PLCXD3: variants seen among roughly 807,000 people sequenced by gnomAD.
The protein encoded by PLCXD3 is PI-PLC X domain-containing protein 3.
PLCXD3 carries 19 observed loss-of-function variants against 25.5 expected under a neutral mutation model. That is an observed-to-expected ratio of 0.75 (90% confidence interval 0.52 to 1.09). PLCXD3 has a LOEUF of 1.09. Ranked by LOEUF, PLCXD3 falls within the 50% of genes least tolerant of loss-of-function variation. The pLI, the probability that PLCXD3 is intolerant of heterozygous loss-of-function variation, is 0.00. For synonymous variants in PLCXD3, 174 were observed against 137.6 expected (o/e 1.26, Z -1.85); for missense variants, 411 against 388.1 (o/e 1.06, Z -0.50).
intron 1 of PLCXD3, 86 bp from the exon 2 acceptor site, chr5:41,382,620 T>G: frequency 9.7e-7 from 1 of 1,032,724 alleles, no homozygotes; most frequent in Non-Finnish European, 1.4e-6. Context: ...TCCATACCTC[T>G]CCCTCAAATG....
At chr5:41,411,940 G>GTATCCATATATATGTATCCATATATATA (rs1746553591) in intron 1 of PLCXD3, among the ~76,000 whole-genome samples, 2 of 5,818 alleles carry the variant, frequency 3.4e-4, no homozygotes, top group Admixed American at 1.3e-3. Context: ...CCATATATAT[G>GTATCCATATATATGTATCCATATATATA]TATCCATATA....
intron 1 of PLCXD3, among the ~76,000 whole-genome samples, chr5:41,436,461 G>A (rs1747257233): frequency 6.6e-6 from 1 of 152,094 alleles, no homozygotes; most frequent in Non-Finnish European, 1.5e-5. Flanking sequence ...ATACCCACAA[G>A]ACTAGTTCAG....
intron 1 of PLCXD3, among the ~76,000 whole-genome samples, chr5:41,493,951 C>G (rs759064621): frequency 6.6e-6 from 1 of 152,186 alleles, no homozygotes. Flanking sequence ...CACTGTCCTG[C>G]GCCCACTGTC....
intron 1 of PLCXD3, among the ~76,000 whole-genome samples, chr5:41,452,910 T>C (rs1279846902): frequency 6.6e-6 from 1 of 152,048 alleles, no homozygotes; most frequent in Non-Finnish European, 1.5e-5. Context: ...TTGTGTATAT[T>C]TGTGAGGTAC....
intron 1 of PLCXD3, among the ~76,000 whole-genome samples, chr5:41,418,385 T>C (rs1746740869): frequency 6.6e-6 from 1 of 152,162 alleles, no homozygotes; most frequent in Non-Finnish European, 1.5e-5. Context: ...GCTCTCCATA[T>C]GCAGCTACTG....
intron 1 of PLCXD3, among the ~76,000 whole-genome samples, chr5:41,498,166 G>A (rs1479451245): frequency 1.3e-5 from 2 of 151,244 alleles, no homozygotes; most frequent in African/African-American, 4.8e-5. Flanking sequence ...AAATTTAGTA[G>A]AATTAAGGAA....
rs1033817017 is a variant in PLCXD3 at position 41,307,298 on chromosome 5, T to C, written c.*6319A>G. ...GATTTGGATTTTCCTCTGCCACTTA[T>C]AGGAATTTCAGGAGAGGAGGTAGCT... is the stretch of plus-strand genomic sequence containing the variant. On this transcript the variant is annotated 3_prime_UTR_variant, in exon 3 of 3. Transcript: ENST00000377801. The C allele has an allele frequency of 5.9e-5, 9 of 152,608 alleles. No homozygotes were observed. Among genetic ancestry groups the C allele is most frequent in the African/African-American group, 2.2e-4 (9 of 41,448 alleles). 9.5% of individuals were successfully genotyped at this position (152,608 alleles called of 1,614,324 possible).
intron 1 of PLCXD3, among the ~76,000 whole-genome samples, chr5:41,415,699 C>T (rs966947062): frequency 6.6e-6 from 1 of 152,056 alleles, no homozygotes; most frequent in Admixed American, 6.6e-5. Context: ...TTTTGCAGTC[C>T]CTACATTGCC....
chr5:41,413,474 A>G (rs549074361), intron 1 of PLCXD3, among the ~76,000 whole-genome samples: 1 of 152,246 alleles, frequency 6.6e-6, no homozygotes, highest in Non-Finnish European at 1.5e-5. Context: ...TTCTGGCCCC[A>G]ATAAACTCAA....
At chr5:41,331,924 C>T (rs1347660669) in intron 2 of PLCXD3, among the ~76,000 whole-genome samples, 1 of 152,136 alleles carries the variant, frequency 6.6e-6, no homozygotes, top group African/African-American at 2.4e-5. Context: ...CTTCCTTACA[C>T]CTGATACAAA....
At chr5:41,473,517 A>G (rs138881223) in intron 1 of PLCXD3, among the ~76,000 whole-genome samples, 1,776 of 152,172 alleles carry the variant, frequency 0.012, 14 homozygotes, top group Non-Finnish European at 0.018. Context: ...CCCAGGCTGG[A>G]GCGCAGGCTC....
intron 2 of PLCXD3, among the ~76,000 whole-genome samples, chr5:41,345,585 A>G (rs142691927): frequency 2.0e-5 from 3 of 152,340 alleles, no homozygotes; most frequent in African/African-American, 7.2e-5. Context: ...AGTAGTGAAT[A>G]GAAAAAAATA....
intron 1 of PLCXD3, among the ~76,000 whole-genome samples, chr5:41,454,044 A>C (rs1373144859): frequency 6.6e-6 from 1 of 152,010 alleles, no homozygotes; most frequent in Non-Finnish European, 1.5e-5. Context: ...TAAGTCACAC[A>C]AGAACACCTC....
At chr5:41,317,725 A>T (rs574816779) in intron 2 of PLCXD3, among the ~76,000 whole-genome samples, 1 of 152,040 alleles carries the variant, frequency 6.6e-6, no homozygotes, top group Non-Finnish European at 1.5e-5. Context: ...TGTAATTGGT[A>T]TACTAAAGAA....
chr5:41,489,797 T>A (rs1484704758), intron 1 of PLCXD3, among the ~76,000 whole-genome samples: 5 of 151,436 alleles, frequency 3.3e-5, no homozygotes, highest in Non-Finnish European at 5.9e-5. Flanking sequence ...ATCCTGAGAC[T>A]TTGCTGAAGT....
intron 1 of PLCXD3, among the ~76,000 whole-genome samples, chr5:41,400,675 G>A (rs535492871): frequency 3.0e-4 from 45 of 152,140 alleles, no homozygotes; most frequent in African/African-American, 1.0e-3. Flanking sequence ...GTAGAAGATG[G>A]TTACCAGAAG....
At chr5:41,455,338 T>A (rs556478534) in intron 1 of PLCXD3, among the ~76,000 whole-genome samples, 2 of 152,062 alleles carry the variant, frequency 1.3e-5, no homozygotes, top group South Asian at 4.1e-4. Flanking sequence ...TATTTATTCT[T>A]CCGTTAACCT....
At chr5:41,396,998 C>T (rs4380706) in intron 1 of PLCXD3, among the ~76,000 whole-genome samples, 139,583 of 152,300 alleles carry the variant, frequency 0.92, 64,390 homozygotes, top group African/African-American at 0.96. Context: ...CTAGAACTTA[C>T]ATTTAAAAGG....
intron 1 of PLCXD3, among the ~76,000 whole-genome samples, chr5:41,418,116 A>G (rs1464393304): frequency 1.3e-5 from 2 of 152,202 alleles, no homozygotes; most frequent in Non-Finnish European, 2.9e-5. Context: ...TCAAACTGCA[A>G]TATATAGGTA....
Sources: gnomAD v4.1 joint callset for allele counts (sites outside exome capture counted in the v4.1 genomes callset) on GRCh38, gnomAD v4.1.1 for gene constraint, MANE v1.5 for transcripts, NCBI Gene and HGNC (gene_info 2026-07-23, HGNC 2026-07-21) for gene names.